Variants in DIS3L2 observed in about 807,000 individuals in gnomAD.
DIS3L2 encodes DIS3 like 3'-5' exoribonuclease 2, also known as DIS3-like exonuclease 2.
A neutral mutation model predicts 97.5 loss-of-function variants in DIS3L2; 34 were observed. The ratio of observed to expected loss-of-function variants is 0.35; its 90% CI spans 0.27 to 0.46. The LOEUF is 0.46. DIS3L2 is among the 20% of genes least tolerant of loss of function. DIS3L2 has a pLI of 1.00. For missense variants in DIS3L2, 1,038 were observed against 1,146.0 expected, an observed-to-expected ratio of 0.91 and a Z score of 1.36; for synonymous variants, 435 against 445.2, an observed-to-expected ratio of 0.98 and a Z score of 0.29.
chr2:232,255,687 G>A (rs1414664551), intron 12 of DIS3L2, among the ~76,000 whole-genome samples: 4 of 152,124 alleles, frequency 2.6e-5, no homozygotes, highest in Admixed American at 2.6e-4. Flanking sequence ...CCAAAGATCA[G>A]AATAATAAAA....
intron 19 of DIS3L2, 65 bp from the exon 20 acceptor site, chr2:232,335,708 C>G: frequency 6.6e-7 from 1 of 1,510,568 alleles, no homozygotes; most frequent in Non-Finnish European, 9.0e-7. Context: ...TTGAAGCCCT[C>G]CAGGGTGGAA....
chr2:232,335,982 G>C, intron 20 of DIS3L2, 108 bp downstream of exon 20: 1 of 1,532,908 alleles, frequency 6.5e-7, no homozygotes. Flanking sequence ...CCCCAGCACT[G>C]CAGCCTCCCG....
intron 14 of DIS3L2, chr2:232,328,779 G>C (rs1410762222): frequency 1.3e-5 from 2 of 152,228 alleles, no homozygotes; most frequent in African/African-American, 4.8e-5. Flanking sequence ...GAGGGTCCTG[G>C]TCACCAAGGC....
chr2:232,283,451 C>T lies in DIS3L2; in HGVS notation c.1660-16589C>T, dbSNP rs577924906. ...TTTTTGAGTTTAGTAGAGATAAAGTCTTACCGTGTTGCCCAGGCTGGTCTC... is the reference window on the plus strand; with the variant it reads ...TTTTTGAGTTTAGTAGAGATAAAGTTTTACCGTGTTGCCCAGGCTGGTCTC... On this transcript the variant is annotated intron_variant, in intron 13 of 20. Coordinates refer to ENST00000325385, the MANE Select transcript of DIS3L2 (RefSeq NM_152383.5). 1.4e-4 allele frequency among the ~76,000 whole-genome samples: 21 copies of T among 152,240 alleles called. No homozygotes were observed. The South Asian group carries it at 4.4e-3, about 32-fold the overall frequency.
At chr2:232,142,148 A>C (rs901994733) in intron 8 of DIS3L2, among the ~76,000 whole-genome samples, 1 of 152,040 alleles carries the variant, frequency 6.6e-6, no homozygotes, top group Non-Finnish European at 1.5e-5. Context: ...AGATCTATAG[A>C]GTTTGTATGT....
chr2:232,302,369 T>A (rs968749080), intron 14 of DIS3L2, among the ~76,000 whole-genome samples: 6 of 151,388 alleles, frequency 4.0e-5, no homozygotes, highest in Admixed American at 2.6e-4. Flanking sequence ...ACATGTACCC[T>A]AGAACTTAAA....
At chr2:232,240,829 A>G (rs1380888265) in intron 11 of DIS3L2, among the ~76,000 whole-genome samples, 1 of 152,228 alleles carries the variant, frequency 6.6e-6, no homozygotes, top group Non-Finnish European at 1.5e-5. Flanking sequence ...GCCATGCACT[A>G]GCTGCTGCGC....
At chr2:232,146,277 G>C (rs1447517411) in intron 8 of DIS3L2, among the ~76,000 whole-genome samples, 1 of 152,042 alleles carries the variant, frequency 6.6e-6, no homozygotes, top group Non-Finnish European at 1.5e-5. Flanking sequence ...TTTTATTTTT[G>C]GTAGTAAGAG....
rs540200729 is a variant in DIS3L2 at position 232,299,633 on chromosome 2, G to A, written c.1660-407G>A. On this transcript the variant is annotated intron_variant, in intron 13 of 20. Coordinates refer to ENST00000325385, the MANE Select transcript of DIS3L2 (RefSeq NM_152383.5). ...ATGGAAACATGGGGATTTTTTTCTT[G>A]CTTCAGAGAGCCTATTTTAATTTGA... 2.0e-3 allele frequency among the ~76,000 whole-genome samples: 297 copies of A among 152,232 alleles called. 1 individual carries two copies. The highest frequency in any genetic ancestry group is 3.7e-3 in the Non-Finnish European group (254 of 68,000).
At chr2:232,128,617 A>G (rs879027032) in intron 6 of DIS3L2, among the ~76,000 whole-genome samples, 1 of 151,044 alleles carries the variant, frequency 6.6e-6, no homozygotes, top group East Asian at 2.0e-4. Flanking sequence ...ACCATGCCCA[A>G]CTAAATTTTA....
intron 12 of DIS3L2, chr2:232,259,785 A>ATTTTTG (rs1304741619): frequency 3.3e-5 from 5 of 152,064 alleles, no homozygotes; most frequent in Non-Finnish European, 5.9e-5. Context: ...TGCCCGGCTA[A>ATTTTTG]TTTTTGTTTT....
intron 9 of DIS3L2, among the ~76,000 whole-genome samples, chr2:232,164,623 T>C (rs1041322237): frequency 2.6e-5 from 4 of 152,208 alleles, no homozygotes; most frequent in African/African-American, 7.2e-5. Context: ...TTGTATCTTT[T>C]AGTAATTTAC....
intron 5 of DIS3L2, among the ~76,000 whole-genome samples, chr2:232,051,522 AC>A (rs1695398020): frequency 6.6e-6 from 1 of 152,184 alleles, no homozygotes; most frequent in African/African-American, 2.4e-5. Flanking sequence ...TTTCTTAAGA[AC>A]TAGCTTCGGC....
rs557241251 is a variant in DIS3L2 at position 232,037,433 on chromosome 2, G to T, written c.366+7353G>T. 6.6e-6 allele frequency among the ~76,000 whole-genome samples: 1 copy of T among 152,352 alleles called. No homozygotes were observed. Among genetic ancestry groups the T allele is most frequent in the East Asian group, 1.9e-4 (1 of 5,182 alleles). Reference sequence around the variant, plus strand: ...TCGACTTCAGACTGCTATGCTGGCAGCAAGAATTTCAAACCAGTGGATCTT... The same window carrying T: ...TCGACTTCAGACTGCTATGCTGGCATCAAGAATTTCAAACCAGTGGATCTT... On this transcript the variant is annotated intron_variant, in intron 5 of 20. Transcript: ENST00000325385. This position sits in a 1 kb window ranked among gnomAD's most constrained non-coding sequence, Gnocchi z 4.6.
At chr2:232,011,446 C>T (rs1033444670) in intron 1 of DIS3L2, among the ~76,000 whole-genome samples, 1 of 151,472 alleles carries the variant, frequency 6.6e-6, no homozygotes, top group Non-Finnish European at 1.5e-5. Flanking sequence ...CTCTGCCTCC[C>T]AGGTTCAAGC....
intron 6 of DIS3L2, among the ~76,000 whole-genome samples, chr2:232,119,216 A>C (rs1290105257): frequency 2.0e-5 from 3 of 152,226 alleles, no homozygotes; most frequent in African/African-American, 7.2e-5. Flanking sequence ...TGACTCATCT[A>C]GTCTAGCTTC....
intron 11 of DIS3L2, 53 bp from the exon 12 acceptor site, chr2:232,249,186 T>G: frequency 6.3e-7 from 1 of 1,580,896 alleles, no homozygotes; most frequent in Non-Finnish European, 8.7e-7. Context: ...CCCACTGGGC[T>G]TCTCCTAAGC....
At chr2:232,219,842 T>A (rs539059630) in intron 10 of DIS3L2, among the ~76,000 whole-genome samples, 1 of 152,220 alleles carries the variant, frequency 6.6e-6, no homozygotes, top group Non-Finnish European at 1.5e-5. Context: ...CAATAAGTGC[T>A]GATTTTCTGA....
chr2:232,245,279 CTG>C (rs1201458943), intron 11 of DIS3L2, among the ~76,000 whole-genome samples: 1 of 152,160 alleles, frequency 6.6e-6, no homozygotes, highest in Non-Finnish European at 1.5e-5. Context: ...GGTGCATGGA[CTG>C]TTGCGCCATG....
Sources: allele counts gnomAD v4.1 joint callset (sites outside exome capture counted in the v4.1 genomes callset), GRCh38; gene constraint gnomAD v4.1.1; non-coding constraint Gnocchi (gnomAD v3.1); transcripts MANE v1.5; gene names NCBI Gene and HGNC (gene_info 2026-07-23, HGNC 2026-07-21).